The following GOLGA6L2 variants were observed in gnomAD, a reference collection of about 807,000 sequenced individuals.
GOLGA6L2 encodes the protein golgin A6 family like 2.
In GOLGA6L2, 30 loss-of-function variants were observed where a neutral mutation model predicts 35.9. That is an observed-to-expected ratio of 0.83 (90% CI 0.62 to 1.13). The LOEUF is 1.13. Among genes scored for constraint, GOLGA6L2 ranks in the 50% most tolerant of loss-of-function variants. The probability of loss-of-function intolerance (pLI) is 0.00; values close to 1 mark genes in which losing one functional copy is unlikely to be tolerated. For missense variants in GOLGA6L2, 821 were observed against 973.4 expected, an observed-to-expected ratio of 0.84 and a Z score of 2.08; for synonymous variants, 297 against 344.0, an observed-to-expected ratio of 0.86 and a Z score of 1.51.
At chr15:23,444,843 G>C (rs1886744404) in intron 2 of GOLGA6L2, among the ~76,000 whole-genome samples, 2 of 151,900 alleles carry the variant, frequency 1.3e-5, no homozygotes, top group Admixed American at 1.3e-4. Context: ...CATAGGGGCC[G>C]GGGACGGTTC....
intron 1 of GOLGA6L2, among the ~76,000 whole-genome samples, chr15:23,446,058 AG>A (rs1443671390): frequency 7.9e-5 from 12 of 152,230 alleles, no homozygotes; most frequent in Non-Finnish European, 1.6e-4. Context: ...AGATGCGATG[AG>A]GAAGATTCAA....
At position 23,439,631 on chromosome 15, in the gene GOLGA6L2, G is replaced by C; in HGVS notation, c.*114C>G. On this transcript the variant is annotated 3_prime_UTR_variant, in exon 8 of 8. Transcript: ENST00000567107. ...ACTGCCTAATCCTGGGCACTGCTGG[G>C]CGTTCTTCATCCCACAAAACAGCTG... 6.5e-7 allele frequency: 1 copy of C among 1,536,210 alleles called. No homozygotes were observed. The highest frequency in any genetic ancestry group is 1.2e-5 in the South Asian group (1 of 84,022).
At chr15:23,446,948 A>G in intron 1 of GOLGA6L2, 150 bp downstream of exon 1, 1 of 547,644 alleles carries the variant, frequency 1.8e-6, no homozygotes, top group Non-Finnish European at 3.2e-6. Context: ...GGGCTGGCTG[A>G]GAAGATTTTG....
At position 23,442,162 on chromosome 15, in the gene GOLGA6L2, G is replaced by T. The variant is rs192382492; in HGVS notation, c.651-42C>A. On this transcript the variant is annotated intron_variant, in intron 6 of 7. Coordinates refer to ENST00000567107, the MANE Select transcript of GOLGA6L2 (RefSeq NM_001304388.2). ...TAGAGAAAGGAATGAACGAAGAACA[G>T]AAAGGACTGCTTTGGTGATCAACCC... The T allele has an allele frequency of 4.5e-6, 7 of 1,562,840 alleles. No individual in the cohort carries two copies. In the Admixed American group the frequency reaches 1.1e-4, roughly 24 times the overall value.
chr15:23,441,323 C>G lies in GOLGA6L2; in HGVS notation c.1152G>C (p.Gln384His), dbSNP rs1387886369. Residue 384 changes from glutamine to histidine, a missense_variant, in exon 8 of 8, where the codon CAG becomes CAC. By Grantham distance (24) the Gln-to-His change is conservative (BLOSUM62 0). Around this residue, in one of 7 missense-constraint regions of GOLGA6L2, gnomAD observed 614 missense variants for 632.3 expected, o/e 0.97. Coordinates refer to ENST00000567107, the MANE Select transcript of GOLGA6L2 (RefSeq NM_001304388.2). ...QEERLWEQEK[Q>H]MREQEQKMRD... Reference sequence around the variant, plus strand: ...GCATCTTCTGCTCCTGCTCCCGCATCTGCTTCTCCTGCTCCCACAGCCTCT... The same window carrying G: ...GCATCTTCTGCTCCTGCTCCCGCATGTGCTTCTCCTGCTCCCACAGCCTCT... 6 of 1,539,656 alleles carry G rather than the reference C, an allele frequency of 3.9e-6. No homozygotes were observed. Among genetic ancestry groups the G allele is most frequent in the South Asian group, 2.4e-5 (2 of 83,956 alleles).
intron 5 of GOLGA6L2, among the ~76,000 whole-genome samples, chr15:23,443,103 G>A (rs2070715891): frequency 6.6e-6 from 1 of 152,178 alleles, no homozygotes; most frequent in African/African-American, 2.4e-5. Context: ...GGTATTAAAA[G>A]TTAAATGGTT....
chr15:23,442,338 C>T (rs1046654773), intron 6 of GOLGA6L2, 112 bp downstream of exon 6: 57 of 1,301,398 alleles, frequency 4.4e-5, no homozygotes, highest in Middle Eastern at 2.3e-4. Context: ...TCCCTGTGCA[C>T]ACATGTAAAC....
rs1239904346 is a variant in GOLGA6L2, at chr15:23,447,221, A to C, written c.-40T>G. 1 of 1,138,606 alleles carries C rather than the reference A, an allele frequency of 8.8e-7. No individual in the cohort carries two copies. Among genetic ancestry groups the C allele is most frequent in the Non-Finnish European group, 1.3e-6 (1 of 749,842 alleles). 70.5% of individuals were successfully genotyped at this position (1,138,606 alleles called of 1,614,324 possible). A position where few individuals can be genotyped will look rare whatever the true frequency, so the allele number is the denominator to read the frequency against. On this transcript the variant is annotated 5_prime_UTR_variant, in exon 1 of 8. Transcript: ENST00000567107. ...CGAGGACAAGGATACACCTCCAGTCACGTACCACGCAGCTATGTGACTGAG... is the reference window on the plus strand; with the variant it reads ...CGAGGACAAGGATACACCTCCAGTCCCGTACCACGCAGCTATGTGACTGAG...
rs1225724853 is a variant in GOLGA6L2, at chr15:23,441,590, C to T, written c.885G>A (p.Met295Ile). 1.3e-6 allele frequency: 2 copies of T among 1,549,456 alleles called. No homozygotes were observed. Among genetic ancestry groups the T allele is most frequent in the South Asian group, 1.2e-5 (1 of 84,030 alleles). Residue 295 changes from methionine to isoleucine, a missense_variant, in exon 8 of 8, where the codon ATG (methionine) becomes ATA (isoleucine). Coordinates refer to ENST00000567107, the MANE Select transcript of GOLGA6L2 (RefSeq NM_001304388.2). ...EKKIRKQEEK[M>I]WRQEERLREQ... ...CCCGCAGTCTCTCCTCCTGTCTCCA[C>T]ATCTTCTCCTCCTGCTTCCGTATCT...
chr15:23,440,895 C>A lies in GOLGA6L2; in HGVS notation c.1580G>T (p.Trp527Leu). 1 of 1,457,458 alleles carries A rather than the reference C, an allele frequency of 6.9e-7. No homozygotes were observed. Among genetic ancestry groups the A allele is most frequent in the South Asian group, 1.3e-5 (1 of 78,204 alleles). 90.3% of individuals were successfully genotyped at this position (1,457,458 alleles called of 1,614,324 possible). The change falls in exon 8 of 8, where the codon TGG becomes TTG. Residue 527 changes from tryptophan (W) to leucine (L), a missense_variant. Trp to Leu is a moderately conservative substitution (Grantham distance 61). Transcript: ENST00000567107. ...EEKIRDQEEM[W>L]GQEKKMWRQE... ...CCGCCACATCTTCTTCTCCTGCCCC[C>A]ACATCTCCTCCTGGTCCCGTATCTT...
chr15:23,441,416 C>A lies in GOLGA6L2; in HGVS notation c.1059G>T (p.Gln353His). Residue 353 changes from glutamine to histidine, a missense_variant, in exon 8 of 8, where the codon CAG becomes CAT. Physicochemically the swap from Gln to His is conservative, Grantham distance 24. Transcript: ENST00000567107. ...CCTCCTGCTCCCACATCTTCTCCTC[C>A]TGCTCCTGCATCTGCTCCTCCTGCT... is the stretch of plus-strand genomic sequence containing the variant. ...LREQEEQMQE[Q>H]EEKMWEQEEK... 1 of 1,432,446 alleles carries A rather than the reference C, an allele frequency of 7.0e-7. No homozygotes were observed. 88.7% of individuals were successfully genotyped at this position (1,432,446 alleles called of 1,614,324 possible).
chr15:23,442,930 A>T (rs12899853), intron 5 of GOLGA6L2, among the ~76,000 whole-genome samples: 2 of 151,814 alleles, frequency 1.3e-5, no homozygotes, highest in African/African-American at 2.4e-5. Context: ...GGGCCCAGAG[A>T]GATCAGATAA....
Position 23,441,631 on chromosome 15 carries a change from G to T in GOLGA6L2, c.844C>A (p.Arg282=), listed in dbSNP as rs756013010. The T allele has an allele frequency of 2.6e-6, 4 of 1,543,720 alleles. No homozygotes were observed. The South Asian group carries it at 3.6e-5, about 14-fold the overall frequency. The change falls in exon 8 of 8, where the codon CGG becomes AGG. Residue 282 remains arginine (R), a synonymous_variant. Coordinates refer to ENST00000567107, the MANE Select transcript of GOLGA6L2 (RefSeq NM_001304388.2). ...TTCCGTATCTTCTTTTCCTGCTCCCGTAGCTCCTCCTCCTGCCTCCACATC... is the reference window on the plus strand; with the variant it reads ...TTCCGTATCTTCTTTTCCTGCTCCCTTAGCTCCTCCTCCTGCCTCCACATC... ...EEMWRQEEEL[R]EQEKKIRKQE... is the part of the protein sequence containing the mutation.
In GOLGA6L2 at chr15:23,443,938, A is replaced by C; in HGVS notation, c.430T>G (p.Ser144Ala). 6.4e-7 allele frequency: 1 copy of C among 1,557,768 alleles called. No homozygotes were observed. The highest frequency in any genetic ancestry group is 8.6e-7 in the Non-Finnish European group (1 of 1,158,248). The change falls in exon 5 of 8, where the codon TCA becomes GCA. Residue 144 changes from serine to alanine, a missense_variant. Around this residue, in one of 7 missense-constraint regions of GOLGA6L2, gnomAD observed 614 missense variants for 632.3 expected, o/e 0.97. Coordinates refer to ENST00000567107, the MANE Select transcript of GOLGA6L2 (RefSeq NM_001304388.2). ...AAAGGACTCCCCCTAAAGGCCTGTG[A>C]AAGTGCCAGGTTGAAGGATGATGGG... ...GTPSSFNLAL[S>A]QAFRGSPLGC...
At chr15:23,443,735 G>A (rs1262082779) in intron 5 of GOLGA6L2, 42 bp downstream of exon 5, 6 of 1,461,996 alleles carry the variant, frequency 4.1e-6, no homozygotes, top group Admixed American at 2.0e-5. Flanking sequence ...CTCCATCTGC[G>A]AAGCTGGGAT....
rs2070676546 is a variant in GOLGA6L2 at position 23,441,092 on chromosome 15, TTCCCGCATCTTCTTCTCCCG to T, written c.1363_1382del (p.Glu456GlyfsTer184). Reference sequence around the variant, plus strand: ...CCTGCTCCCGCATCGTCTCCTCCTCTTCCCGCATCTTCTTCTCCCGCTCCCGTATCCTCTCCTCCTCTTGC... The same window carrying T: ...CCTGCTCCCGCATCGTCTCCTCCTCTCTCCCGTATCCTCTCCTCCTCTTGC... On this transcript the variant is annotated frameshift_variant, in exon 8 of 8. Coordinates refer to ENST00000567107, the MANE Select transcript of GOLGA6L2 (RefSeq NM_001304388.2). LOFTEE classifies it low-confidence loss of function (END_TRUNC). 1.4e-6 allele frequency: 2 copies of T among 1,384,702 alleles called. No homozygotes were observed. The highest frequency in any genetic ancestry group is 3.7e-5 in the African/African-American group (2 of 54,002). The allele number at this position is 1,384,702 out of a possible 1,614,324, so 85.8% of individuals were successfully genotyped here.
intron 5 of GOLGA6L2, 38 bp downstream of exon 5, chr15:23,443,739 C>T (rs2070724803): frequency 1.3e-6 from 2 of 1,482,412 alleles, no homozygotes; most frequent in Non-Finnish European, 9.1e-7. Flanking sequence ...ATCTGCGAAG[C>T]TGGGATCCCA....
At chr15:23,444,279 C>G (rs1255138195) in intron 3 of GOLGA6L2, 67 bp from the exon 4 acceptor site, 1 of 1,556,340 alleles carries the variant, frequency 6.4e-7, no homozygotes. Context: ...AGACATGCCC[C>G]CAGAATGGCA....
Position 23,444,151 on chromosome 15 carries a change from C to G in GOLGA6L2, c.294+11G>C. On this transcript the variant is annotated intron_variant, in intron 4 of 7. Transcript: ENST00000567107. Reference sequence around the variant, plus strand: ...CAGAGGACAGGAGGGAACTTCACACCCTCCACTCACCTCTATCTCCCGCCT... The same window carrying G: ...CAGAGGACAGGAGGGAACTTCACACGCTCCACTCACCTCTATCTCCCGCCT... 6.2e-7 allele frequency: 1 copy of G among 1,603,322 alleles called. No homozygotes were observed. Among genetic ancestry groups the G allele is most frequent in the African/African-American group, 1.3e-5 (1 of 74,980 alleles).
Sources: gnomAD v4.1 joint callset for allele counts (sites outside exome capture counted in the v4.1 genomes callset) on GRCh38, gnomAD v4.1.1 for gene constraint, gnomAD v4.1.1 regional missense constraint, MANE v1.5 for transcripts, NCBI Gene and HGNC (gene_info 2026-07-23, HGNC 2026-07-21) for gene names.